Variants in TRDN observed in about 807,000 individuals in gnomAD.
TRDN encodes the protein triadin.
Under a neutral mutation model 149.7 loss-of-function variants are expected in TRDN, and 161 were observed. That is an observed-to-expected ratio of 1.08 (90% CI 0.95 to 1.23). The LOEUF is 1.23. Among genes scored for constraint, TRDN ranks in the 50% most tolerant of loss-of-function variants. The pLI is 0.00. For synonymous variants in TRDN, 294 were observed against 250.5 expected (o/e 1.17, Z -1.64); for missense variants, 896 against 823.5 (o/e 1.09, Z -1.08).
intron 22 of TRDN, among the ~76,000 whole-genome samples, chr6:123,335,629 T>C (rs1187904703): frequency 1.3e-5 from 2 of 151,896 alleles, no homozygotes; most frequent in Admixed American, 6.6e-5. Flanking sequence ...CTTTGGTACA[T>C]GTGAAGATTT....
chr6:123,260,165 TAAACTAG>T (rs1417693029), intron 34 of TRDN, among the ~76,000 whole-genome samples: 9 of 152,000 alleles, frequency 5.9e-5, no homozygotes, highest in Admixed American at 3.3e-4. Context: ...TTAACAAGTT[TAAACTAG>T]AAACAATAGG....
chr6:123,400,114 A>G (rs1354784106), intron 12 of TRDN, among the ~76,000 whole-genome samples: 1 of 149,318 alleles, frequency 6.7e-6, no homozygotes, highest in African/African-American at 2.4e-5. Flanking sequence ...TTAAAAGTCA[A>G]GAGCTTATTT....
intron 9 of TRDN, among the ~76,000 whole-genome samples, chr6:123,495,381 T>A (rs1414710356): frequency 6.6e-6 from 1 of 151,638 alleles, no homozygotes; most frequent in Admixed American, 6.6e-5. Context: ...TAGCCGAGTA[T>A]GTTGGCAGGG....
At chr6:123,452,027 G>A (rs182884919) in intron 10 of TRDN, among the ~76,000 whole-genome samples, 230 of 152,166 alleles carry the variant, frequency 1.5e-3, no homozygotes, top group African/African-American at 5.4e-3. Flanking sequence ...TGCAGAAAAA[G>A]CATGAGACAA....
chr6:123,374,612 T>A (rs1381965382), intron 19 of TRDN, among the ~76,000 whole-genome samples: 1 of 152,108 alleles, frequency 6.6e-6, no homozygotes, highest in Non-Finnish European at 1.5e-5. Context: ...CTACTCAATA[T>A]ATTTTTCAAT....
intron 19 of TRDN, among the ~76,000 whole-genome samples, chr6:123,367,716 C>T (rs187083640): frequency 3.9e-5 from 6 of 152,154 alleles, no homozygotes; most frequent in Admixed American, 6.5e-5. Context: ...AGATGCTGAG[C>T]GCAAAAGGTC....
intron 8 of TRDN, chr6:123,503,117 T>C (rs1374548405): frequency 2.0e-6 from 2 of 985,222 alleles, no homozygotes; most frequent in Non-Finnish European, 2.4e-6. Context: ...GCGAAATATG[T>C]CACATTCAGA....
Position 123,585,434 on chromosome 6 carries a change from A to C in TRDN, c.23-14302T>G, listed in dbSNP as rs895929945. Among the ~76,000 whole-genome samples the C allele has an allele frequency of 3.3e-5, 5 of 152,194 alleles. No homozygotes were observed. In the South Asian group the frequency reaches 8.3e-4, roughly 25 times the overall value. On this transcript the variant is annotated intron_variant, in intron 1 of 40. Coordinates refer to ENST00000334268, the MANE Select transcript of TRDN (RefSeq NM_006073.4). The stretch of plus-strand genomic sequence containing the variant: ...GGCCCTTGAAAAGAAGGTAATGTGG[A>C]GTGAGTAGCCTTGGTATTGATTAAG...
rs560032062 is a variant in TRDN at position 123,540,712 on chromosome 6, G to C, written c.424+6628C>G. ...TTTTTGTATTTTTGGTGAAGACGGT[G>C]TTTCACCTTGTTAGCCAGGATGGCC... On this transcript the variant is annotated intron_variant, in intron 4 of 40. Transcript: ENST00000334268. Among the ~76,000 whole-genome samples, 268 of 152,210 alleles carry C rather than the reference G, an allele frequency of 1.8e-3. 1 individual carries two copies. The highest frequency in any genetic ancestry group is 5.9e-3 in the African/African-American group (247 of 41,544).
intron 9 of TRDN, among the ~76,000 whole-genome samples, chr6:123,491,138 A>G (rs1778200734): frequency 6.6e-6 from 1 of 151,386 alleles, no homozygotes; most frequent in South Asian, 2.1e-4. Flanking sequence ...CGAAAGAAGG[A>G]AGGAAGGAAG....
At chr6:123,582,243 T>A (rs1360378336) in intron 1 of TRDN, among the ~76,000 whole-genome samples, 1 of 152,078 alleles carries the variant, frequency 6.6e-6, no homozygotes, top group Non-Finnish European at 1.5e-5. Flanking sequence ...GATTGACGGC[T>A]GGTTGAAAAA....
chr6:123,489,958 C>A (rs568614726), intron 9 of TRDN, among the ~76,000 whole-genome samples: 1 of 151,622 alleles, frequency 6.6e-6, no homozygotes, highest in Non-Finnish European at 1.5e-5. Context: ...TTATTTTTTC[C>A]ATCCATAACT....
intron 2 of TRDN, among the ~76,000 whole-genome samples, chr6:123,555,835 T>C (rs1170176172): frequency 6.6e-6 from 1 of 152,126 alleles, no homozygotes; most frequent in Middle Eastern, 3.2e-3. Context: ...AAAATAATAA[T>C]GAAATGCAGA....
intron 4 of TRDN, among the ~76,000 whole-genome samples, chr6:123,544,246 TACACACAC>T (rs71021453): frequency 0.068 from 9,774 of 144,230 alleles, 445 homozygotes; most frequent in African/African-American, 0.13. Context: ...CATCTGTACA[TACACACAC>T]ACACACACAC....
chr6:123,251,451 A>G (rs941526187), intron 38 of TRDN, among the ~76,000 whole-genome samples: 1 of 152,016 alleles, frequency 6.6e-6, no homozygotes, highest in Non-Finnish European at 1.5e-5. Context: ...ACTTTTCTAT[A>G]TTGATTATAT....
At position 123,473,501 on chromosome 6, in the gene TRDN, C is replaced by A. The variant is rs987115735; in HGVS notation, c.854-8518G>T. On this transcript the variant is annotated intron_variant, in intron 9 of 40. Coordinates refer to ENST00000334268, the MANE Select transcript of TRDN (RefSeq NM_006073.4). ...CCTGAAAGTGATGGGGAGAATGGAA[C>A]CAAGTTGGAAAACACACTGCAGGAT... Among the ~76,000 whole-genome samples, 221 of 152,012 alleles carry A rather than the reference C, an allele frequency of 1.5e-3. 1 individual carries two copies. The highest frequency in any genetic ancestry group is 5.2e-3 in the African/African-American group (215 of 41,464).
chr6:123,503,790 T>C lies in TRDN; in HGVS notation c.722A>G (p.Gln241Arg), dbSNP rs1189371297. Reference sequence around the variant, plus strand: ...TTCTTTGGGTTTTGATGGTGTTTTCTGTACTTCTTTTACTTTTGCAGCTGT... The same window carrying C: ...TTCTTTGGGTTTTGATGGTGTTTTCCGTACTTCTTTTACTTTTGCAGCTGT... ...KQTAAKVKEV[Q>R]KTPSKPKEKE... Residue 241 changes from glutamine to arginine, a missense_variant, in exon 8 of 41, where the codon CAG (glutamine) becomes CGG (arginine). Gln to Arg is a conservative substitution (Grantham distance 43). Transcript: ENST00000334268. The C allele has an allele frequency of 1.2e-6, 2 of 1,613,548 alleles. No individual in the cohort carries two copies. The highest frequency in any genetic ancestry group is 1.7e-5 in the Admixed American group (1 of 59,932).
intron 2 of TRDN, among the ~76,000 whole-genome samples, chr6:123,567,037 A>C (rs1998262): frequency 0.8 from 121,231 of 152,098 alleles, 48,569 homozygotes; most frequent in East Asian, 0.92. Flanking sequence ...TCCATTGGAG[A>C]GCTGCAATTA....
intron 1 of TRDN, among the ~76,000 whole-genome samples, chr6:123,574,944 A>G (rs915902041): frequency 6.8e-6 from 1 of 147,976 alleles, no homozygotes; most frequent in Non-Finnish European, 1.5e-5. Flanking sequence ...ATAAATATTC[A>G]GAAATGCAAG....
Sources: gnomAD v4.1 joint callset for allele counts (sites outside exome capture counted in the v4.1 genomes callset) on GRCh38, gnomAD v4.1.1 for gene constraint, MANE v1.5 for transcripts, NCBI Gene and HGNC (gene_info 2026-07-23, HGNC 2026-07-21) for gene names.